The following ROBO1 variants were observed in gnomAD, a reference collection of about 807,000 sequenced individuals.
ROBO1 encodes the protein roundabout guidance receptor 1, also known as roundabout homolog 1.
Under a neutral mutation model 195.9 loss-of-function variants are expected in ROBO1, and 149 were observed. The observed-to-expected ratio is 0.76, with a 90% CI of 0.67 to 0.87. ROBO1 has a LOEUF of 0.87. ROBO1 is among the 40% of genes least tolerant of loss of function. The pLI is 0.00. For synonymous variants in ROBO1, 816 were observed against 733.2 expected (o/e 1.11, Z -1.82); for missense variants, 1,933 against 2,068.3 (o/e 0.93, Z 1.27).
chr3:78,813,475 A>G (rs1576217198), intron 4 of ROBO1, among the ~76,000 whole-genome samples: 1 of 151,666 alleles, frequency 6.6e-6, no homozygotes. Flanking sequence ...GAATTTTTAC[A>G]TTTTCTTAAC....
intron 2 of ROBO1, among the ~76,000 whole-genome samples, chr3:79,262,715 C>G (rs564440549): frequency 6.6e-6 from 1 of 151,990 alleles, no homozygotes; most frequent in South Asian, 2.1e-4. Flanking sequence ...TTTCATTTTA[C>G]TATAAAAAGC....
At chr3:78,716,548 G>T (rs2081907157) in intron 7 of ROBO1, among the ~76,000 whole-genome samples, 1 of 152,156 alleles carries the variant, frequency 6.6e-6, no homozygotes, top group Non-Finnish European at 1.5e-5. Flanking sequence ...TCAAGGTGTT[G>T]AAAGATTTGG....
intron 3 of ROBO1, among the ~76,000 whole-genome samples, chr3:79,058,717 A>T (rs984237380): frequency 1.3e-5 from 2 of 151,964 alleles, no homozygotes; most frequent in African/African-American, 4.8e-5. Context: ...CCCTATTTTG[A>T]CTTCAAGAAA....
chr3:79,327,192 A>G (rs1352849661), intron 2 of ROBO1, among the ~76,000 whole-genome samples: 3 of 152,120 alleles, frequency 2.0e-5, no homozygotes, highest in African/African-American at 7.2e-5. Context: ...TCACTGAAAA[A>G]TTGTCCAATA....
intron 4 of ROBO1, among the ~76,000 whole-genome samples, chr3:78,912,336 T>G: frequency 6.6e-6 from 1 of 152,078 alleles, no homozygotes; most frequent in East Asian, 1.9e-4. Context: ...GAGGTGAGAC[T>G]ACATTGAAAA....
At chr3:79,686,338 C>A (rs1947111813) in intron 1 of ROBO1, among the ~76,000 whole-genome samples, 1 of 152,112 alleles carries the variant, frequency 6.6e-6, no homozygotes, top group Admixed American at 6.6e-5. Flanking sequence ...TCTCACCACT[C>A]CTATTCAACA....
intron 2 of ROBO1, among the ~76,000 whole-genome samples, chr3:79,436,429 T>C (rs1407015950): frequency 6.6e-6 from 1 of 152,090 alleles, no homozygotes; most frequent in Non-Finnish European, 1.5e-5. Context: ...CAACTTTCCA[T>C]CTTATTTCAC....
intron 1 of ROBO1, among the ~76,000 whole-genome samples, chr3:79,711,462 T>C (rs1306504410): frequency 2.0e-5 from 3 of 152,134 alleles, no homozygotes; most frequent in Admixed American, 6.6e-5. Context: ...AATTTTTTGG[T>C]TTTTGTTTTT....
chr3:78,788,680 ATTTGT>A (rs1015498522), intron 4 of ROBO1, among the ~76,000 whole-genome samples: 9 of 151,914 alleles, frequency 5.9e-5, no homozygotes, highest in Non-Finnish European at 4.4e-5. Flanking sequence ...TTTAGTTTTG[ATTTGT>A]TTTGTTTTTT....
intron 1 of ROBO1, among the ~76,000 whole-genome samples, chr3:79,649,574 T>G (rs1945938809): frequency 6.6e-6 from 1 of 152,136 alleles, no homozygotes; most frequent in Non-Finnish European, 1.5e-5. Context: ...AGAGTGACTA[T>G]GGAAATATTT....
intron 2 of ROBO1, among the ~76,000 whole-genome samples, chr3:79,284,422 TG>T (rs2031751777): frequency 6.6e-6 from 1 of 152,162 alleles, no homozygotes; most frequent in Non-Finnish European, 1.5e-5. Flanking sequence ...CCATGGCACA[TG>T]TATACCTATG....
intron 1 of ROBO1, among the ~76,000 whole-genome samples, chr3:79,651,591 G>A (rs1946010202): frequency 6.6e-6 from 1 of 152,042 alleles, no homozygotes; most frequent in African/African-American, 2.4e-5. Context: ...GGTGCATGAC[G>A]CAGTCAGCAA....
intron 2 of ROBO1, among the ~76,000 whole-genome samples, chr3:79,507,349 A>C (rs533019626): frequency 6.6e-6 from 1 of 152,308 alleles, no homozygotes; most frequent in Non-Finnish European, 1.5e-5. Flanking sequence ...CATTAGAAAT[A>C]AATGGGGGCA....
At chr3:79,493,613 AG>A (rs35556185) in intron 2 of ROBO1, among the ~76,000 whole-genome samples, 1 of 152,028 alleles carries the variant, frequency 6.6e-6, no homozygotes, top group East Asian at 1.9e-4. Context: ...TGTTGAAAAA[AG>A]GTTTTTTATT....
chr3:79,038,653 G>A (rs970544395), intron 3 of ROBO1, among the ~76,000 whole-genome samples: 1 of 148,456 alleles, frequency 6.7e-6, no homozygotes, highest in Non-Finnish European at 1.5e-5. Context: ...TTCCTACAAT[G>A]ATTTTAAAAT....
intron 2 of ROBO1, among the ~76,000 whole-genome samples, chr3:79,421,100 C>T (rs2038206534): frequency 6.6e-6 from 1 of 151,960 alleles, no homozygotes; most frequent in Admixed American, 6.6e-5. Flanking sequence ...AAGCTATTGT[C>T]CTTAGAAAAG....
intron 3 of ROBO1, among the ~76,000 whole-genome samples, chr3:79,047,759 G>A (rs561801722): frequency 2.6e-4 from 40 of 151,990 alleles, no homozygotes; most frequent in African/African-American, 7.7e-4. Context: ...CATTCCTCCC[G>A]AAACCTTGAG....
intron 2 of ROBO1, among the ~76,000 whole-genome samples, chr3:79,537,251 G>C (rs976258222): frequency 5.9e-5 from 9 of 151,944 alleles, no homozygotes; most frequent in African/African-American, 2.2e-4. Flanking sequence ...AGGTTGTCTT[G>C]GGTTAGATTC....
intron 2 of ROBO1, among the ~76,000 whole-genome samples, chr3:79,315,649 GGA>G (rs1010349115): frequency 3.5e-4 from 54 of 152,272 alleles, no homozygotes; most frequent in African/African-American, 1.2e-3. Context: ...GAAAGTACAG[GGA>G]GAGCAGTTAA....
Sources: gnomAD v4.1 joint callset for allele counts (sites outside exome capture counted in the v4.1 genomes callset) on GRCh38, gnomAD v4.1.1 for gene constraint, MANE v1.5 for transcripts, NCBI Gene and HGNC (gene_info 2026-07-23, HGNC 2026-07-21) for gene names.